The following GAB1 variants were observed in gnomAD, a reference collection of about 807,000 sequenced individuals.
The protein encoded by GAB1 is GRB2 associated binding protein 1, also known as GRB2-associated-binding protein 1.
Under a neutral mutation model 66.5 loss-of-function variants are expected in GAB1, and 19 were observed. That is an observed-to-expected ratio of 0.29 (90% CI 0.20 to 0.42). GAB1 has a LOEUF of 0.42. Among genes scored for constraint, GAB1 ranks in the 10% least tolerant of loss-of-function variants. The pLI, the probability that GAB1 is intolerant of heterozygous loss-of-function variation, is 1.00. For synonymous variants in GAB1, 294 were observed against 301.4 expected, an observed-to-expected ratio of 0.98 and a Z score of 0.25; for missense variants, 732 against 858.5, an observed-to-expected ratio of 0.85 and a Z score of 1.84.
intron 6 of GAB1, chr4:143,457,595 C>CTTT (rs144852070): frequency 2.1e-4 from 63 of 294,630 alleles, no homozygotes; most frequent in South Asian, 5.1e-4. Flanking sequence ...GGCTCTGTTG[C>CTTT]TTTTTTTTTT....
At chr4:143,437,746 G>A (rs1053421028) in intron 3 of GAB1, among the ~76,000 whole-genome samples, 1 of 152,092 alleles carries the variant, frequency 6.6e-6, no homozygotes, top group Non-Finnish European at 1.5e-5. Flanking sequence ...GATTTAATAG[G>A]TGGAGTTGGG....
intron 8 of GAB1, among the ~76,000 whole-genome samples, chr4:143,464,115 AT>A (rs1206868779): frequency 6.6e-6 from 1 of 152,232 alleles, no homozygotes; most frequent in Non-Finnish European, 1.5e-5. Context: ...CAGATAAAAA[AT>A]TTCATGATGA....
intron 1 of GAB1, among the ~76,000 whole-genome samples, chr4:143,362,576 C>T (rs1487473272): frequency 6.6e-6 from 1 of 152,188 alleles, no homozygotes; most frequent in African/African-American, 2.4e-5. Context: ...TAAAAAGACC[C>T]TAAGGGGTAA....
chr4:143,461,337 T>G (rs1386277962), intron 8 of GAB1, among the ~76,000 whole-genome samples: 1 of 152,018 alleles, frequency 6.6e-6, no homozygotes, highest in Non-Finnish European at 1.5e-5. Context: ...CTAGAGAGAG[T>G]CAATCCAAGG....
Position 143,336,976 on chromosome 4 carries a change from C to T in GAB1, c.-213C>T. 4.1e-6 allele frequency: 2 copies of T among 487,120 alleles called. No individual in the cohort carries two copies. The highest frequency in any genetic ancestry group is 5.4e-4 in the Middle Eastern group (1 of 1,842). 30.2% of individuals were successfully genotyped at this position (487,120 alleles called of 1,614,324 possible). A position where few individuals can be genotyped will look rare whatever the true frequency, so the allele number is the denominator to read the frequency against. The stretch of plus-strand genomic sequence containing the variant: ...AAGGAGGCCGGCGCGCCCGCGGCCC[C>T]GGCTCGCGTTCTGTTCAGGTTCGTG... On this transcript the variant is annotated 5_prime_UTR_variant, in exon 1 of 10. Coordinates refer to ENST00000262994, the MANE Select transcript of GAB1 (RefSeq NM_002039.4).
In GAB1 at chr4:143,469,099, G is replaced by A. The variant is rs771500396; in HGVS notation, c.1995G>A (p.Gln665=). 27 of 1,614,020 alleles carry A rather than the reference G, an allele frequency of 1.7e-5. No individual in the cohort carries two copies. Among genetic ancestry groups the A allele is most frequent in the Non-Finnish European group, 2.2e-5 (26 of 1,179,968 alleles). The change falls in exon 10 of 10, where the codon CAG becomes CAA. Residue 665 remains glutamine (Q), a synonymous_variant. Transcript: ENST00000262994. The stretch of plus-strand genomic sequence containing the variant: ...TGGATTATGTTGTTGTTGACCAACA[G>A]AAGACCTTGGCTCTAAAGAGTACCC... ...ERVDYVVVDQ[Q]KTLALKSTRE...
At chr4:143,397,112 A>G (rs1472168931) in intron 1 of GAB1, among the ~76,000 whole-genome samples, 1 of 152,200 alleles carries the variant, frequency 6.6e-6, no homozygotes, top group Non-Finnish European at 1.5e-5. Context: ...TGCATTTAGC[A>G]CCTACTATTT....
chr4:143,444,900 C>T (rs1672940443), intron 6 of GAB1, among the ~76,000 whole-genome samples: 1 of 152,150 alleles, frequency 6.6e-6, no homozygotes, highest in Admixed American at 6.5e-5. Flanking sequence ...ATAATGGCCT[C>T]CACCTGCATC....
intron 3 of GAB1, among the ~76,000 whole-genome samples, chr4:143,436,166 G>A (rs1733930839): frequency 6.6e-6 from 1 of 152,196 alleles, no homozygotes; most frequent in African/African-American, 2.4e-5. Context: ...AGGAAGAATG[G>A]AATGTGAACT....
chr4:143,433,798 T>C, intron 3 of GAB1, 82 bp downstream of exon 3: 5 of 1,154,438 alleles, frequency 4.3e-6, no homozygotes, highest in Non-Finnish European at 6.4e-6. Context: ...TTTAAACTTT[T>C]TAAATTTCGA....
At chr4:143,417,503 G>T (rs1732754618) in intron 2 of GAB1, 2 of 346,298 alleles carry the variant, frequency 5.8e-6, no homozygotes, top group Admixed American at 3.2e-5. Flanking sequence ...TGCCTCCCAG[G>T]TTCAAGCGAT....
chr4:143,408,121 T>G (rs1425103280), intron 1 of GAB1, among the ~76,000 whole-genome samples: 1 of 152,198 alleles, frequency 6.6e-6, no homozygotes, highest in Non-Finnish European at 1.5e-5. Context: ...CTAGGCTGTT[T>G]CCTGGCTGAG....
intron 3 of GAB1, 37 bp downstream of exon 3, chr4:143,433,753 G>A (rs1733799565): frequency 1.3e-6 from 2 of 1,489,118 alleles, no homozygotes; most frequent in Non-Finnish European, 1.9e-6. Flanking sequence ...AGAGACAGAG[G>A]CGTGTGTATG....
rs373464250 is a variant in GAB1 at position 143,414,422 on chromosome 4, C to G, written c.73-1055C>G. 5.9e-5 allele frequency among the ~76,000 whole-genome samples: 9 copies of G among 152,008 alleles called. No homozygotes were observed. In the East Asian group the frequency reaches 1.5e-3, roughly 26 times the overall value. On this transcript the variant is annotated intron_variant, in intron 1 of 9. Coordinates refer to ENST00000262994, the MANE Select transcript of GAB1 (RefSeq NM_002039.4). ...GCTTCTCTAGGTATAGTATTAAACT[C>G]AAAATTTACCAGAACTTGTGGAGGG... is the stretch of plus-strand genomic sequence containing the variant.
chr4:143,446,228 A>G (rs1734519564), intron 6 of GAB1, among the ~76,000 whole-genome samples: 1 of 152,058 alleles, frequency 6.6e-6, no homozygotes, highest in Non-Finnish European at 1.5e-5. Context: ...AGTCTTTGCT[A>G]TTGTGAATAG....
At chr4:143,411,803 G>T (rs1403272101) in intron 1 of GAB1, among the ~76,000 whole-genome samples, 1 of 152,192 alleles carries the variant, frequency 6.6e-6, no homozygotes. Flanking sequence ...ATAATCCAGA[G>T]AACCTTTGTA....
chr4:143,419,116 G>T (rs1412461378), intron 2 of GAB1, among the ~76,000 whole-genome samples: 1 of 152,094 alleles, frequency 6.6e-6, no homozygotes, highest in Non-Finnish European at 1.5e-5. Context: ...CATCTAATGG[G>T]AGAGGAGTCA....
chr4:143,385,318 G>C (rs1730849612), intron 1 of GAB1, among the ~76,000 whole-genome samples: 1 of 152,040 alleles, frequency 6.6e-6, no homozygotes, highest in African/African-American at 2.4e-5. Flanking sequence ...GCTTATTATT[G>C]ATCACTGGGG....
intron 1 of GAB1, among the ~76,000 whole-genome samples, chr4:143,347,810 A>G (rs1298199422): frequency 2.0e-5 from 3 of 152,236 alleles, no homozygotes; most frequent in African/African-American, 7.2e-5. Flanking sequence ...CCAGCACCTT[A>G]AAAGATGGAT....
Sources: gnomAD v4.1 joint callset for allele counts (sites outside exome capture counted in the v4.1 genomes callset) on GRCh38, gnomAD v4.1.1 for gene constraint, MANE v1.5 for transcripts, NCBI Gene and HGNC (gene_info 2026-07-23, HGNC 2026-07-21) for gene names.